Variants in CDIN1 observed in about 807,000 individuals in gnomAD.
The protein encoded by CDIN1 is CDAN1 interacting nuclease 1.
A neutral mutation model predicts 45.3 loss-of-function variants in CDIN1; 33 were observed. The ratio of observed to expected loss-of-function variants is 0.73; its 90% CI spans 0.55 to 0.97. The LOEUF (loss-of-function observed/expected upper bound fraction) is 0.97. Among genes scored for constraint, CDIN1 ranks in the 50% least tolerant of loss-of-function variants. CDIN1 has a pLI of 0.00. For missense variants in CDIN1, 303 were observed against 339.4 expected (o/e 0.89, Z 0.84); for synonymous variants, 118 against 124.4 (o/e 0.95, Z 0.34).
intron 1 of CDIN1, among the ~76,000 whole-genome samples, chr15:36,597,518 A>G (rs2037894229): frequency 1.3e-5 from 2 of 152,248 alleles, no homozygotes; most frequent in African/African-American, 4.8e-5. Context: ...AGGATTTTCC[A>G]GGTACCATTA....
chr15:36,729,864 T>G (rs540725548), intron 10 of CDIN1, among the ~76,000 whole-genome samples: 1 of 152,216 alleles, frequency 6.6e-6, no homozygotes, highest in Non-Finnish European at 1.5e-5. Flanking sequence ...GTAGTACTTA[T>G]CAAAACTAAT....
intron 1 of CDIN1, among the ~76,000 whole-genome samples, chr15:36,638,376 T>C (rs2039984254): frequency 1.3e-5 from 2 of 152,226 alleles, no homozygotes; most frequent in Admixed American, 6.5e-5. Context: ...AATATTGTTT[T>C]ATAAAATTAA....
At chr15:36,779,203 A>G (rs2054291862) in intron 10 of CDIN1, among the ~76,000 whole-genome samples, 1 of 152,278 alleles carries the variant, frequency 6.6e-6, no homozygotes, top group African/African-American at 2.4e-5. Context: ...CTACCAAACA[A>G]TTAGAGTTCC....
At chr15:36,657,934 T>G in intron 5 of CDIN1, 29 bp downstream of exon 5, 2 of 1,545,218 alleles carry the variant, frequency 1.3e-6, no homozygotes, top group Non-Finnish European at 1.8e-6. Flanking sequence ...CTAATGGTAC[T>G]CTTTTACTCC....
At chr15:36,623,304 T>A (rs558240096) in intron 1 of CDIN1, among the ~76,000 whole-genome samples, 10 of 152,362 alleles carry the variant, frequency 6.6e-5, no homozygotes, top group South Asian at 2.1e-4. Context: ...TACTTTTTTT[T>A]AAACAATTTT....
At chr15:36,700,664 G>C (rs4360878) in intron 8 of CDIN1, among the ~76,000 whole-genome samples, 21,148 of 151,048 alleles carry the variant, frequency 0.14, 1,528 homozygotes, top group East Asian at 0.24. Context: ...TAAGCCTGCT[G>C]TGGGCAGACA....
At chr15:36,755,943 G>T (rs1336339353) in intron 10 of CDIN1, 1 of 406,706 alleles carries the variant, frequency 2.5e-6, no homozygotes, top group Non-Finnish European at 4.9e-6. Context: ...GTTAAAACAG[G>T]TTCATTCCCT....
chr15:36,662,189 G>A (rs1310459134), intron 5 of CDIN1, among the ~76,000 whole-genome samples: 2 of 152,106 alleles, frequency 1.3e-5, no homozygotes, highest in Non-Finnish European at 2.9e-5. Flanking sequence ...GGGATAGACC[G>A]AGGTTAATAG....
chr15:36,791,217 C>T (rs1293812610), intron 10 of CDIN1, among the ~76,000 whole-genome samples: 2 of 152,162 alleles, frequency 1.3e-5, no homozygotes, highest in Non-Finnish European at 2.9e-5. Context: ...TAGACCTACA[C>T]AAAATAGCTA....
At chr15:36,647,941 G>A (rs2040406741) in intron 3 of CDIN1, among the ~76,000 whole-genome samples, 1 of 150,544 alleles carries the variant, frequency 6.6e-6, no homozygotes, top group African/African-American at 2.4e-5. Context: ...CCGGGCTCAC[G>A]CCATTCTCCT....
chr15:36,752,379 A>G (rs749763390), intron 10 of CDIN1, among the ~76,000 whole-genome samples: 1 of 152,214 alleles, frequency 6.6e-6, no homozygotes, highest in Non-Finnish European at 1.5e-5. Flanking sequence ...ATCTGTCTGC[A>G]CTGACTTTCT....
intron 5 of CDIN1, among the ~76,000 whole-genome samples, chr15:36,673,782 G>C (rs1476039270): frequency 6.6e-6 from 1 of 152,014 alleles, no homozygotes; most frequent in Non-Finnish European, 1.5e-5. Context: ...CAAATAAAAG[G>C]CTTCCACATT....
chr15:36,623,063 A>C (rs964351826), intron 1 of CDIN1, among the ~76,000 whole-genome samples: 33 of 152,070 alleles, frequency 2.2e-4, no homozygotes, highest in African/African-American at 7.5e-4. Context: ...AAAATTTTGC[A>C]TTTTTTTAGG....
chr15:36,759,905 A>G (rs1045345312), intron 10 of CDIN1, among the ~76,000 whole-genome samples: 3 of 152,170 alleles, frequency 2.0e-5, no homozygotes, highest in Non-Finnish European at 4.4e-5. Flanking sequence ...GTGCTGAACC[A>G]TTAGGAACTA....
At chr15:36,605,286 A>G (rs2038307350) in intron 1 of CDIN1, among the ~76,000 whole-genome samples, 1 of 152,188 alleles carries the variant, frequency 6.6e-6, no homozygotes, top group Admixed American at 6.5e-5. Context: ...ACTTTTCTCC[A>G]TATGTGACTA....
At position 36,712,260 on chromosome 15, in the gene CDIN1, C is replaced by CTTTTTTT. The variant is rs780494427; in HGVS notation, c.716+2316_716+2322dup. ...TTCAATTACTATTTATAGACTAATG[C>CTTTTTTT]TTTTTTTTTTTTTTTTTTTTTTTGA... On this transcript the variant is annotated intron_variant, in intron 10 of 10. Transcript: ENST00000566621. Among the ~76,000 whole-genome samples the CTTTTTTT allele has an allele frequency of 2.3e-3, 179 of 77,374 alleles. 1 individual carries two copies. The highest frequency in any genetic ancestry group is 3.1e-3 in the East Asian group (7 of 2,260). 50.8% of individuals were successfully genotyped at this position (77,374 alleles called of 152,430 possible).
rs28620852 is a variant in CDIN1 at position 36,711,260 on chromosome 15, A to T, written c.716+1299A>T. 3.0e-3 allele frequency among the ~76,000 whole-genome samples: 448 copies of T among 149,492 alleles called. 2 individuals carry two copies. Among genetic ancestry groups the T allele is most frequent in the African/African-American group, 0.011 (413 of 38,978 alleles). The stretch of plus-strand genomic sequence containing the variant: ...TAAGTTTAGGTTGCTAAAGTATTTT[A>T]AAAAAAACTGATAAGCTCAATCAGT... On this transcript the variant is annotated intron_variant, in intron 10 of 10. Transcript: ENST00000566621.
intron 10 of CDIN1, among the ~76,000 whole-genome samples, chr15:36,713,249 A>G (rs1395979037): frequency 6.6e-6 from 1 of 152,186 alleles, no homozygotes; most frequent in Admixed American, 6.5e-5. Context: ...TATAAAGCAC[A>G]TGAACAGTGA....
At chr15:36,710,054 TAGC>T in intron 10 of CDIN1, 93 bp downstream of exon 10, 3 of 862,476 alleles carry the variant, frequency 3.5e-6, no homozygotes, top group Non-Finnish European at 5.3e-6. Context: ...AAAATGCTAG[TAGC>T]CGTTGTTTCT....
Sources: allele counts gnomAD v4.1 joint callset (sites outside exome capture counted in the v4.1 genomes callset), GRCh38; gene constraint gnomAD v4.1.1; transcripts MANE v1.5; gene names NCBI Gene and HGNC (gene_info 2026-07-23, HGNC 2026-07-21).